The following HOOK3 variants were observed in gnomAD, a reference collection of about 807,000 sequenced individuals.
HOOK3 encodes protein Hook homolog 3.
HOOK3 carries 24 observed loss-of-function variants against 116.3 expected under a neutral mutation model. The observed-to-expected ratio is 0.21, with a 90% CI of 0.15 to 0.29. HOOK3 has a LOEUF of 0.29. Ranked by LOEUF, HOOK3 falls within the 10% of genes least tolerant of loss-of-function variation. The pLI is 1.00. For missense variants in HOOK3, 632 were observed against 830.2 expected, an observed-to-expected ratio of 0.76 and a Z score of 2.93; for synonymous variants, 275 against 283.0, an observed-to-expected ratio of 0.97 and a Z score of 0.28.
chr8:42,970,211 A>G (rs184263880), intron 11 of HOOK3, among the ~76,000 whole-genome samples: 71 of 152,326 alleles, frequency 4.7e-4, no homozygotes, highest in African/African-American at 1.6e-3. Flanking sequence ...ATGACCTGCA[A>G]TTCTACCTTG....
intron 18 of HOOK3, 31 bp from the exon 19 acceptor site, chr8:43,010,274 A>T: frequency 1.9e-6 from 1 of 524,568 alleles, no homozygotes; most frequent in Non-Finnish European, 2.8e-6. Context: ...TATTATCTAA[A>T]TATATATATT....
At chr8:42,974,980 G>T (rs1808792953) in intron 13 of HOOK3, among the ~76,000 whole-genome samples, 1 of 152,310 alleles carries the variant, frequency 6.6e-6, no homozygotes, top group South Asian at 2.1e-4. Flanking sequence ...GATTGGCCAA[G>T]AAAGGCCTCC....
At chr8:42,976,957 T>G (rs1231597342) in intron 13 of HOOK3, among the ~76,000 whole-genome samples, 1 of 152,172 alleles carries the variant, frequency 6.6e-6, no homozygotes, top group Non-Finnish European at 1.5e-5. Flanking sequence ...CCAGGTCCAC[T>G]CATGCCTACA....
chr8:42,925,021 G>C (rs1807735980), intron 2 of HOOK3, among the ~76,000 whole-genome samples: 1 of 151,920 alleles, frequency 6.6e-6, no homozygotes, highest in Non-Finnish European at 1.5e-5. Flanking sequence ...TGTGTTAACA[G>C]TCAAGTTGAC....
At chr8:42,905,699 T>G (rs1695811676) in intron 1 of HOOK3, among the ~76,000 whole-genome samples, 1 of 151,922 alleles carries the variant, frequency 6.6e-6, no homozygotes, top group African/African-American at 2.4e-5. Flanking sequence ...TGGCAGGACA[T>G]TTCCCTTAAA....
intron 3 of HOOK3, among the ~76,000 whole-genome samples, chr8:42,927,063 A>G (rs925753660): frequency 6.6e-6 from 1 of 152,210 alleles, no homozygotes; most frequent in African/African-American, 2.4e-5. Flanking sequence ...CAGACATACA[A>G]ATGATTTAAC....
chr8:43,000,297 AT>A, intron 16 of HOOK3: 1 of 1,279,818 alleles, frequency 7.8e-7, no homozygotes, highest in Non-Finnish European at 1.0e-6. Context: ...CTTCCTTTTC[AT>A]TTTTATATAG....
intron 2 of HOOK3, among the ~76,000 whole-genome samples, chr8:42,915,300 C>T (rs1337857351): frequency 6.6e-6 from 1 of 151,964 alleles, no homozygotes; most frequent in Non-Finnish European, 1.5e-5. Context: ...AGGAGGATCA[C>T]TGAGTCTCAA....
In HOOK3 at chr8:43,025,395, GC is replaced by G. The variant is rs1563317865; in HGVS notation, c.*6899del. On this transcript the variant is annotated 3_prime_UTR_variant, in exon 22 of 22. Coordinates refer to ENST00000307602, the MANE Select transcript of HOOK3 (RefSeq NM_032410.4). ...GAGTGGATCATTGGGATAAGAAATA[GC>G]CTAATTATAAACAAATATGCAGGCA... 1 of 213,740 alleles carries G rather than the reference GC, an allele frequency of 4.7e-6. No individual in the cohort carries two copies. Among genetic ancestry groups the G allele is most frequent in the East Asian group, 7.0e-5 (1 of 14,222 alleles). The allele number at this position is 213,740 out of a possible 1,614,324, so 13.2% of individuals were successfully genotyped here.
chr8:43,018,180 G>A (rs1431813712), intron 21 of HOOK3, among the ~76,000 whole-genome samples, 178 bp from the exon 22 acceptor site: 2 of 152,154 alleles, frequency 1.3e-5, no homozygotes, highest in Admixed American at 6.5e-5. Context: ...AAGAAAATTT[G>A]TGCCTAATTA....
At chr8:42,981,328 C>T (rs1361090596) in intron 13 of HOOK3, among the ~76,000 whole-genome samples, 1 of 151,962 alleles carries the variant, frequency 6.6e-6, no homozygotes, top group Non-Finnish European at 1.5e-5. Flanking sequence ...GCTGGGGTTA[C>T]AGGCATGAGC....
At chr8:42,901,007 T>A (rs1563286434) in intron 1 of HOOK3, among the ~76,000 whole-genome samples, 2 of 152,178 alleles carry the variant, frequency 1.3e-5, no homozygotes, top group Non-Finnish European at 2.9e-5. Flanking sequence ...TATTTGACAT[T>A]TTGCGCTGGA....
chr8:43,005,033 A>C (rs942503479), intron 17 of HOOK3, among the ~76,000 whole-genome samples: 1 of 152,046 alleles, frequency 6.6e-6, no homozygotes, highest in African/African-American at 2.4e-5. Context: ...AAACAATAGA[A>C]TACCAAACAA....
Position 43,007,854 on chromosome 8 carries a change from C to T in HOOK3, c.1663C>T (p.Leu555=), listed in dbSNP as rs137891694. ...KKKLEEHLEK[L]HEANNELQKK... ...TTTACCTGTTTGTTACAGAGAGAAG[C>T]TGCATGAGGCCAATAATGAACTACA... The change falls in exon 18 of 22, where the codon CTG becomes TTG. Residue 555 remains leucine, a synonymous_variant. Transcript: ENST00000307602. The T allele has an allele frequency of 8.9e-4, 1,424 of 1,593,516 alleles. 9 individuals carry two copies. The African/African-American group carries it at 0.017, about 19-fold the overall frequency.
At chr8:42,961,247 T>C (rs1033513002) in intron 8 of HOOK3, among the ~76,000 whole-genome samples, 1 of 152,238 alleles carries the variant, frequency 6.6e-6, no homozygotes, top group African/African-American at 2.4e-5. Context: ...CCAAACCATA[T>C]CACTCTGCAT....
chr8:42,978,239 A>G (rs571723095), intron 13 of HOOK3, among the ~76,000 whole-genome samples: 19 of 152,260 alleles, frequency 1.2e-4, no homozygotes, highest in Middle Eastern at 3.4e-3. Flanking sequence ...AGAAGATATC[A>G]GATAACCATT....
chr8:43,009,711 A>C (rs1056736377), intron 18 of HOOK3, among the ~76,000 whole-genome samples: 1 of 152,210 alleles, frequency 6.6e-6, no homozygotes, highest in Non-Finnish European at 1.5e-5. Flanking sequence ...TTTAGTGTAT[A>C]GTCCAGTGAC....
chr8:42,925,623 G>A lies in HOOK3; in HGVS notation c.210G>A (p.Arg70=). 1 of 1,585,866 alleles carries A rather than the reference G, an allele frequency of 6.3e-7. No individual in the cohort carries two copies. Among genetic ancestry groups the A allele is most frequent in the Non-Finnish European group, 8.6e-7 (1 of 1,158,514 alleles). Residue 70 remains arginine (R), a synonymous_variant, in exon 3 of 22, where the codon AGG becomes AGA. Coordinates refer to ENST00000307602, the MANE Select transcript of HOOK3 (RefSeq NM_032410.4). ...RIKTEVGDNW[R]LKISNLKKIL... ...AAACTGAAGTAGGAGATAATTGGAG[G>A]CTAAAGGTATTTTATTTTTCCACCT... is the stretch of plus-strand genomic sequence containing the variant.
intron 9 of HOOK3, among the ~76,000 whole-genome samples, 193 bp from the exon 10 acceptor site, chr8:42,966,280 G>A (rs564655855): frequency 2.0e-5 from 3 of 152,096 alleles, no homozygotes; most frequent in Non-Finnish European, 4.4e-5. Context: ...AGTTGTCACC[G>A]TTCCCAAGAC....
Sources: allele counts gnomAD v4.1 joint callset (sites outside exome capture counted in the v4.1 genomes callset), GRCh38; gene constraint gnomAD v4.1.1; transcripts MANE v1.5; gene names NCBI Gene and HGNC (gene_info 2026-07-23, HGNC 2026-07-21).